Variants in XPNPEP2 observed in about 807,000 individuals in gnomAD.
The protein encoded by XPNPEP2 is X-prolyl aminopeptidase 2, also known as xaa-Pro aminopeptidase 2.
A neutral mutation model predicts 59.8 loss-of-function variants in XPNPEP2; 64 were observed. The ratio of observed to expected loss-of-function variants is 1.07; its 90% confidence interval spans 0.87 to 1.32. The LOEUF is 1.32. Among genes scored for constraint, XPNPEP2 ranks in the 40% most tolerant of loss-of-function variants. XPNPEP2 has a pLI of 0.00. For synonymous variants in XPNPEP2, 235 were observed against 210.0 expected, an observed-to-expected ratio of 1.12 and a Z score of -1.03; for missense variants, 575 against 546.8, an observed-to-expected ratio of 1.05 and a Z score of -0.51.
intron 1 of XPNPEP2, 135 bp from the exon 2 acceptor site, chrX:129,741,973 T>A: frequency 3.9e-6 from 2 of 508,002 alleles, no homozygotes; most frequent in South Asian, 3.5e-5. Flanking sequence ...ATTATTTTTA[T>A]CCTCAAGTAG....
chrX:129,739,676 A>T (rs1926138101), intron 1 of XPNPEP2, among the ~76,000 whole-genome samples: 1 of 111,702 alleles, frequency 9.0e-6, no homozygotes, highest in Non-Finnish European at 1.9e-5. Context: ...TGCTAAACCG[A>T]CTGAACAGCA....
At chrX:129,742,037 GAGGA>G in intron 1 of XPNPEP2, 67 bp from the exon 2 acceptor site, 1 of 1,052,691 alleles carries the variant, frequency 9.5e-7, no homozygotes, top group Non-Finnish European at 1.3e-6. Flanking sequence ...GGCGGGCTGA[GAGGA>G]TACTCCTTCC....
At chrX:129,767,832 C>T (rs1205995881) in intron 20 of XPNPEP2, 140 bp downstream of exon 20, 10 of 604,710 alleles carry the variant, frequency 1.7e-5, no homozygotes, top group Non-Finnish European at 2.7e-5. Flanking sequence ...TGGGGCATTC[C>T]TCCCCAGCTC....
At chrX:129,767,011 C>T (rs1424418568) in intron 19 of XPNPEP2, among the ~76,000 whole-genome samples, 1 of 110,668 alleles carries the variant, frequency 9.0e-6, no homozygotes, top group East Asian at 2.8e-4. Flanking sequence ...CTTAGGAGTT[C>T]GAGACCAGCC....
At chrX:129,756,130 G>A (rs992120521) in intron 13 of XPNPEP2, among the ~76,000 whole-genome samples, 1 of 112,633 alleles carries the variant, frequency 8.9e-6, no homozygotes, top group Non-Finnish European at 1.9e-5. Context: ...CCGCTTTACC[G>A]CGCATCCTCG....
chrX:129,741,172 T>G (rs865996738), intron 1 of XPNPEP2, among the ~76,000 whole-genome samples: 1 of 88,380 alleles, frequency 1.1e-5, no homozygotes, highest in African/African-American at 4.3e-5. Flanking sequence ...CAATGAATAT[T>G]GGGGGGGGGT....
intron 19 of XPNPEP2, among the ~76,000 whole-genome samples, chrX:129,765,714 T>C (rs1627798): frequency 0.42 from 42,029 of 100,346 alleles, 8,937 homozygotes; most frequent in East Asian, 0.76. Context: ...CTTGGCTCAC[T>C]GCAACCTCCG....
chrX:129,742,577 G>C (rs1180174172), intron 2 of XPNPEP2, among the ~76,000 whole-genome samples: 3 of 110,872 alleles, frequency 2.7e-5, no homozygotes, highest in African/African-American at 9.8e-5. Context: ...GAGAAGCACA[G>C]AAGGGAAGAG....
In XPNPEP2 at chrX:129,745,183, T is replaced by C. The variant is rs757838714; in HGVS notation, c.235-20T>C. 4.1e-6 allele frequency: 5 copies of C among 1,208,953 alleles called. No homozygotes were observed. The African/African-American group carries it at 5.3e-5, about 13-fold the overall frequency. The stretch of plus-strand genomic sequence containing the variant: ...CTGATACCACGAAAAAGGCTAATGA[T>C]GGTGTTGTTGATTTCCTAGAACGAG... On this transcript the variant is annotated intron_variant, in intron 3 of 20. Transcript: ENST00000371106.
At chrX:129,739,559 A>G (rs1010956671) in intron 1 of XPNPEP2, among the ~76,000 whole-genome samples, 1 of 112,201 alleles carries the variant, frequency 8.9e-6, no homozygotes, top group Admixed American at 9.4e-5. Flanking sequence ...ATGGGGCTCA[A>G]CTCTGATTAC....
intron 19 of XPNPEP2, among the ~76,000 whole-genome samples, chrX:129,766,325 G>A (rs959472327): frequency 9.0e-6 from 1 of 111,644 alleles, no homozygotes; most frequent in African/African-American, 3.3e-5. Flanking sequence ...TCAGCCTCCC[G>A]AGTAGCTGGG....
chrX:129,747,550 A>T, intron 6 of XPNPEP2, 57 bp from the exon 7 acceptor site: 17 of 1,191,984 alleles, frequency 1.4e-5, no homozygotes, highest in Non-Finnish European at 1.8e-5. Context: ...CTGAATCACA[A>T]TTTTTTCCTG....
chrX:129,751,914 G>A, intron 9 of XPNPEP2, 88 bp downstream of exon 9: 1 of 987,798 alleles, frequency 1.0e-6, no homozygotes, highest in Non-Finnish European at 1.4e-6. Flanking sequence ...TTAATATACA[G>A]CCCTCTGGCT....
chrX:129,742,369 C>T (rs1168815345), intron 2 of XPNPEP2, among the ~76,000 whole-genome samples, 188 bp downstream of exon 2: 1 of 106,251 alleles, frequency 9.4e-6, no homozygotes. Context: ...GGGCCCCTCC[C>T]CCCTCCACTC....
At position 129,742,198 on chromosome X, in the gene XPNPEP2, C is replaced by T. The variant is rs757187134; in HGVS notation, c.123+17C>T. 2 of 883,263 alleles carry T rather than the reference C, an allele frequency of 2.3e-6. No homozygotes were observed. The highest frequency in any genetic ancestry group is 3.0e-6 in the Non-Finnish European group (2 of 671,290). The allele number at this position is 883,263 out of a possible 1,213,427, so 72.8% of individuals were successfully genotyped here. A position where few individuals can be genotyped will look rare whatever the true frequency, so the allele number is the denominator to read the frequency against. On this transcript the variant is annotated intron_variant, in intron 2 of 20. Coordinates refer to ENST00000371106, the MANE Select transcript of XPNPEP2 (RefSeq NM_003399.6). ...AACCCCCCTGTGAGTGCCCCCTGCC[C>T]CCCGCGCACGGCCCCCCTGGCCCCA...
At chrX:129,757,468 G>C (rs1009525688) in intron 14 of XPNPEP2, among the ~76,000 whole-genome samples, 1 of 109,154 alleles carries the variant, frequency 9.2e-6, no homozygotes, top group Admixed American at 1.0e-4. Flanking sequence ...GGCTACCTTT[G>C]TACAGTGTAC....
At chrX:129,755,511 G>A (rs1385538049) in intron 13 of XPNPEP2, 140 bp downstream of exon 13, 8 of 544,508 alleles carry the variant, frequency 1.5e-5, no homozygotes, top group Non-Finnish European at 2.4e-5. Context: ...GTGGGGGCTG[G>A]GAGAGGAGCT....
At chrX:129,750,194 T>A (rs1185379137) in intron 7 of XPNPEP2, among the ~76,000 whole-genome samples, 1 of 112,528 alleles carries the variant, frequency 8.9e-6, no homozygotes, top group Non-Finnish European at 1.9e-5. Flanking sequence ...TTATACTCCA[T>A]CCCCATTTTA....
rs1279307625 is a variant in XPNPEP2, at chrX:129,750,553, G to A, written c.723G>A (p.Ala241=). The A allele has an allele frequency of 4.2e-6, 5 of 1,186,540 alleles. No homozygotes were observed. In the Admixed American group the frequency reaches 7.1e-5, roughly 17 times the overall value. The part of the protein sequence containing the change: ...QKVPTAVLLS[A]LEETAWLFNL... ...TCCCGACTGCCGTCCTTCTGTCGGC[G>A]CTTGAGGAGACGGCCTGTGAGTGTG... Residue 241 remains alanine (A), a synonymous_variant, in exon 8 of 21, where the codon GCG becomes GCA. Coordinates refer to ENST00000371106, the MANE Select transcript of XPNPEP2 (RefSeq NM_003399.6).
Sources: allele counts gnomAD v4.1 joint callset (sites outside exome capture counted in the v4.1 genomes callset), GRCh38; gene constraint gnomAD v4.1.1; transcripts MANE v1.5; gene names NCBI Gene and HGNC (gene_info 2026-07-23, HGNC 2026-07-21).